The following TANGO2 variants were observed in gnomAD, a reference collection of about 807,000 sequenced individuals.
TANGO2 encodes the protein transport and golgi organization 2 homolog.
Under a neutral mutation model 39.1 loss-of-function variants are expected in TANGO2, and 26 were observed. The observed-to-expected ratio is 0.67, with a 90% CI of 0.49 to 0.92. The LOEUF (loss-of-function observed/expected upper bound fraction) is 0.92, where lower values mean the gene tolerates loss of function less well. Among genes scored for constraint, TANGO2 ranks in the 40% least tolerant of loss-of-function variants. The probability of loss-of-function intolerance (pLI) is 0.00; values close to 1 mark genes in which losing one functional copy is unlikely to be tolerated. For synonymous variants in TANGO2, 131 were observed against 144.5 expected (o/e 0.91, Z 0.67); for missense variants, 326 against 360.1 (o/e 0.91, Z 0.77).
At chr22:20,028,139 T>C (rs548522808) in intron 1 of TANGO2, among the ~76,000 whole-genome samples, 13 of 152,124 alleles carry the variant, frequency 8.5e-5, no homozygotes, top group Non-Finnish European at 1.9e-4. Flanking sequence ...AGACAGAGTC[T>C]CCCTCTGTTG....
intron 1 of TANGO2, among the ~76,000 whole-genome samples, chr22:20,036,543 G>A (rs557687887): frequency 6.6e-6 from 1 of 152,332 alleles, no homozygotes; most frequent in African/African-American, 2.4e-5. Context: ...TGGTGTTGCA[G>A]GTGGTGGAGA....
chr22:20,053,553 T>C lies in TANGO2; in HGVS notation c.380+2T>C. 1 of 1,602,470 alleles carries C rather than the reference T, an allele frequency of 6.2e-7. No homozygotes were observed. The highest frequency in any genetic ancestry group is 8.5e-7 in the Non-Finnish European group (1 of 1,169,694). On this transcript the variant is annotated splice_donor_variant, in intron 5 of 8. Transcript: ENST00000327374. LOFTEE classifies it high-confidence loss of function. ...CAACCTCATAGCAGCCGACCTGAGG[T>C]GGGTCTGCCAGAGGGGGATGGCGGC...
chr22:20,033,214 C>A, intron 1 of TANGO2: 1 of 527,160 alleles, frequency 1.9e-6, no homozygotes, highest in Middle Eastern at 3.2e-4. Flanking sequence ...CTGGTCCTTC[C>A]CTCCCAATGA....
rs1165850271 is a variant in TANGO2 at position 20,051,453 on chromosome 22, C to T, written c.146-1012C>T. 2.6e-5 allele frequency among the ~76,000 whole-genome samples: 4 copies of T among 152,218 alleles called. No homozygotes were observed. In the East Asian group the frequency reaches 7.8e-4, roughly 30 times the overall value. On this transcript the variant is annotated intron_variant, in intron 3 of 8. Transcript: ENST00000327374. ...GGCTGAGGCAGGAGAATCGCTTGAA[C>T]CCAGGAGGGAGAGGTTGCAGTGAGC...
chr22:20,061,826 C>A, intron 7 of TANGO2, 143 bp downstream of exon 7: 2 of 1,058,266 alleles, frequency 1.9e-6, no homozygotes, highest in Non-Finnish European at 2.7e-6. Flanking sequence ...ATATCCTGTC[C>A]TCCCTGCCTG....
intron 5 of TANGO2, 197 bp from the exon 6 acceptor site, chr22:20,055,746 G>A (rs977163036): frequency 3.2e-6 from 2 of 616,354 alleles, no homozygotes; most frequent in African/African-American, 1.8e-5. Context: ...TACCCGTGAT[G>A]CTGGACAAGA....
intron 6 of TANGO2, among the ~76,000 whole-genome samples, chr22:20,060,741 C>A (rs1013764033): frequency 6.6e-6 from 1 of 152,098 alleles, no homozygotes; most frequent in African/African-American, 2.4e-5. Context: ...GGAAATGCCT[C>A]GGCCAAGATA....
At chr22:20,060,456 T>C (rs1197902222) in intron 6 of TANGO2, among the ~76,000 whole-genome samples, 2 of 151,926 alleles carry the variant, frequency 1.3e-5, no homozygotes. Context: ...AAGGCCTCAC[T>C]ATTTTGCTAT....
intron 4 of TANGO2, 159 bp from the exon 5 acceptor site, chr22:20,053,278 A>C: frequency 1.7e-6 from 1 of 594,376 alleles, no homozygotes; most frequent in Non-Finnish European, 3.1e-6. Flanking sequence ...CAGCCAGGCT[A>C]ATGAGGTGTG....
chr22:20,017,419 A>T (rs1945269091), upstream of TANGO2, among the ~76,000 whole-genome samples: 1 of 151,954 alleles, frequency 6.6e-6, no homozygotes. Context: ...CGCAGCGGGG[A>T]GACGATGGAG....
chr22:20,023,047 A>G (rs2040017872), intron 1 of TANGO2, among the ~76,000 whole-genome samples: 1 of 152,190 alleles, frequency 6.6e-6, no homozygotes, highest in Non-Finnish European at 1.5e-5. Context: ...CACCCCAGAA[A>G]GACTGAGCTG....
chr22:20,053,751 T>C, intron 5 of TANGO2, 200 bp downstream of exon 5: 1 of 617,724 alleles, frequency 1.6e-6, no homozygotes, highest in Middle Eastern at 2.5e-4. Flanking sequence ...AGCCCAAGGC[T>C]TCCTGTGATG....
intron 7 of TANGO2, among the ~76,000 whole-genome samples, chr22:20,062,141 T>C (rs2048498962): frequency 6.6e-6 from 1 of 152,282 alleles, no homozygotes; most frequent in East Asian, 1.9e-4. Context: ...CTGGGCTGAG[T>C]GCTGGGCAGG....
intron 2 of TANGO2, among the ~76,000 whole-genome samples, chr22:20,039,523 G>T (rs538390402): frequency 6.6e-6 from 1 of 152,048 alleles, no homozygotes; most frequent in East Asian, 2.0e-4. Context: ...CAGCTATTAG[G>T]GAGGCTAAGG....
At chr22:20,028,432 G>T (rs2041206427) in intron 1 of TANGO2, among the ~76,000 whole-genome samples, 1 of 152,198 alleles carries the variant, frequency 6.6e-6, no homozygotes, top group South Asian at 2.1e-4. Flanking sequence ...CCCGTTAAAT[G>T]TCACTGGAAA....
At chr22:20,050,782 G>C (rs567727933) in intron 3 of TANGO2, among the ~76,000 whole-genome samples, 1 of 149,422 alleles carries the variant, frequency 6.7e-6, no homozygotes, top group South Asian at 2.1e-4. Flanking sequence ...ATCGGTTTTG[G>C]TATTCCTTTT....
intron 1 of TANGO2, among the ~76,000 whole-genome samples, chr22:20,024,763 A>G (rs2518829): frequency 0.68 from 103,394 of 152,096 alleles, 36,318 homozygotes; most frequent in African/African-American, 0.86. Flanking sequence ...CTTAGCACAC[A>G]TCCCCTCTGC....
chr22:20,056,330 C>T (rs1489961659), intron 6 of TANGO2: 2 of 581,606 alleles, frequency 3.4e-6, no homozygotes, highest in Non-Finnish European at 3.3e-6. Context: ...GTGCCCTGTG[C>T]CTGTTCCTTC....
chr22:20,026,912 C>T (rs569714968), intron 1 of TANGO2, among the ~76,000 whole-genome samples: 1 of 152,244 alleles, frequency 6.6e-6, no homozygotes, highest in South Asian at 2.1e-4. Flanking sequence ...CCACCTCTTG[C>T]GTCTATCCTA....
Sources: allele counts gnomAD v4.1 joint callset (sites outside exome capture counted in the v4.1 genomes callset), GRCh38; gene constraint gnomAD v4.1.1; transcripts MANE v1.5; gene names NCBI Gene and HGNC (gene_info 2026-07-23, HGNC 2026-07-21).